ITPR2: variants seen among roughly 807,000 people sequenced by gnomAD.
ITPR2 encodes the protein inositol 1,4,5-trisphosphate receptor type 2, also known as inositol 1,4,5-trisphosphate-gated calcium channel ITPR2.
ITPR2 carries 207 observed loss-of-function variants against 317.1 expected under a neutral mutation model. The ratio of observed to expected loss-of-function variants is 0.65; its 90% CI spans 0.58 to 0.73. The LOEUF (loss-of-function observed/expected upper bound fraction) is 0.73. Ranked by LOEUF, ITPR2 falls within the 30% of genes least tolerant of loss-of-function variation. ITPR2 has a pLI of 0.00. For missense variants in ITPR2, 2,613 were observed against 3,284.0 expected (o/e 0.80, Z 4.99); for synonymous variants, 1,156 against 1,149.1 (o/e 1.01, Z -0.12).
At position 26,616,230 on chromosome 12, in the gene ITPR2, C is replaced by T. The variant is rs184616817; in HGVS notation, c.3462+4893G>A. ...TCGGCTCACTGCAAGCTCCGCCTCC[C>T]GGGTTCACGCCATTCTCCTGCCTCA... On this transcript the variant is annotated intron_variant, in intron 26 of 56. Transcript: ENST00000381340. 1.2e-3 allele frequency among the ~76,000 whole-genome samples: 190 copies of T among 152,102 alleles called. 2 individuals are homozygous for T. Among genetic ancestry groups the T allele is most frequent in the African/African-American group, 3.6e-3 (149 of 41,498 alleles).
chr12:26,468,212 G>A (rs1942216259), intron 45 of ITPR2, among the ~76,000 whole-genome samples: 1 of 112,954 alleles, frequency 8.9e-6, no homozygotes, highest in African/African-American at 2.5e-5. Context: ...ACACTAAGAT[G>A]AATTGTAACA....
intron 37 of ITPR2, among the ~76,000 whole-genome samples, chr12:26,522,100 AAGAAT>A (rs1943681843): frequency 6.6e-6 from 1 of 152,240 alleles, no homozygotes; most frequent in Non-Finnish European, 1.5e-5. Context: ...AAGAACCAAA[AAGAAT>A]AAACTATGTT....
chr12:26,793,431 G>T (rs1003318298), intron 1 of ITPR2, among the ~76,000 whole-genome samples: 2 of 152,112 alleles, frequency 1.3e-5, no homozygotes, highest in Non-Finnish European at 2.9e-5. Context: ...CTGGGGACGA[G>T]GACTGTGTGT....
intron 42 of ITPR2, among the ~76,000 whole-genome samples, chr12:26,482,039 T>C (rs1471093177): frequency 1.3e-5 from 2 of 152,228 alleles, no homozygotes; most frequent in East Asian, 1.9e-4. Flanking sequence ...TCAAGAGGTA[T>C]GAAAAACTGA....
intron 18 of ITPR2, among the ~76,000 whole-genome samples, chr12:26,657,450 G>A (rs1276787478): frequency 2.0e-5 from 3 of 152,206 alleles, no homozygotes; most frequent in Admixed American, 6.5e-5. Context: ...TACTCAATAT[G>A]AGGACAAAGC....
chr12:26,721,765 C>T (rs1454474345), intron 5 of ITPR2, among the ~76,000 whole-genome samples: 1 of 152,120 alleles, frequency 6.6e-6, no homozygotes, highest in Non-Finnish European at 1.5e-5. Context: ...GCAATACACA[C>T]ATATTCCACA....
intron 2 of ITPR2, among the ~76,000 whole-genome samples, chr12:26,739,235 G>C (rs1949187447): frequency 6.6e-6 from 1 of 152,168 alleles, no homozygotes; most frequent in African/African-American, 2.4e-5. Flanking sequence ...CTACTTTGGA[G>C]AACATTTTGG....
rs139542907 is a variant in ITPR2 at position 26,366,762 on chromosome 12, C to T, written c.7857+20672G>A. On this transcript the variant is annotated intron_variant, in intron 55 of 56. Coordinates refer to ENST00000381340, the MANE Select transcript of ITPR2 (RefSeq NM_002223.4). ...TCGAAAGGATGCCTATTTGGTAGTT[C>T]CAAAACCATAAAAAAAGAAAAGTCA... Among the ~76,000 whole-genome samples, 30 of 152,212 alleles carry T rather than the reference C, an allele frequency of 2.0e-4. No individual in the cohort carries two copies. The East Asian group carries it at 4.6e-3, about 24-fold the overall frequency.
At chr12:26,659,085 A>G (rs747264302) in intron 16 of ITPR2, 28 bp downstream of exon 16, 1 of 1,572,320 alleles carries the variant, frequency 6.4e-7, no homozygotes, top group African/African-American at 1.4e-5. Flanking sequence ...CTCCACTAGA[A>G]AAGAATACCG....
At chr12:26,676,077 G>T (rs1592026572) in intron 13 of ITPR2, among the ~76,000 whole-genome samples, 3 of 152,308 alleles carry the variant, frequency 2.0e-5, no homozygotes, top group Admixed American at 2.0e-4. Context: ...AGAATCGCTT[G>T]AACCCAGGAG....
rs1364217411 is a variant in ITPR2 at position 26,378,897 on chromosome 12, T to C, written c.7857+8537A>G. On this transcript the variant is annotated intron_variant, in intron 55 of 56. Transcript: ENST00000381340. ...TTCCTCTCAGGCCTTCCTGCCATTG[T>C]AGGATTGTCATCTGACTTCCTGTCT... is the stretch of plus-strand genomic sequence containing the variant. Among the ~76,000 whole-genome samples, 6 of 152,210 alleles carry C rather than the reference T, an allele frequency of 3.9e-5. No homozygotes were observed. In the East Asian group the frequency reaches 9.6e-4, roughly 24 times the overall value.
chr12:26,618,359 C>T (rs553778325), intron 26 of ITPR2, among the ~76,000 whole-genome samples: 4 of 152,242 alleles, frequency 2.6e-5, no homozygotes, highest in South Asian at 4.1e-4. Flanking sequence ...ACACATGAAT[C>T]GGTAGGACTT....
Position 26,450,425 on chromosome 12 carries a change from C to T in ITPR2, c.6343-6775G>A, listed in dbSNP as rs531319171. ...GCATGGTGCCATCTGTCCAGGGTTCCTTGCAGTACTGTGAGGTCCTTCATA... is the reference window on the plus strand; with the variant it reads ...GCATGGTGCCATCTGTCCAGGGTTCTTTGCAGTACTGTGAGGTCCTTCATA... On this transcript the variant is annotated intron_variant, in intron 45 of 56. Coordinates refer to ENST00000381340, the MANE Select transcript of ITPR2 (RefSeq NM_002223.4). 6.2e-4 allele frequency among the ~76,000 whole-genome samples: 85 copies of T among 136,830 alleles called. 1 individual carries two copies. The highest frequency in any genetic ancestry group is 2.3e-3 in the African/African-American group (81 of 35,762). The allele number at this position is 136,830 out of a possible 152,430, so 89.8% of individuals were successfully genotyped here.
chr12:26,562,102 C>A (rs527572794), intron 34 of ITPR2, 150 bp from the exon 35 acceptor site: 1 of 540,978 alleles, frequency 1.8e-6, no homozygotes, highest in Non-Finnish European at 3.0e-6. Flanking sequence ...AAGCTTCTAA[C>A]CTGAATGTAT....
chr12:26,814,195 T>C (rs1020921982), intron 1 of ITPR2, among the ~76,000 whole-genome samples: 1 of 152,166 alleles, frequency 6.6e-6, no homozygotes, highest in African/African-American at 2.4e-5. Flanking sequence ...ACAAAACACC[T>C]GCGCAAGGGC....
chr12:26,384,891 G>A (rs1380613595), intron 55 of ITPR2, among the ~76,000 whole-genome samples: 1 of 151,974 alleles, frequency 6.6e-6, no homozygotes, highest in Non-Finnish European at 1.5e-5. Context: ...GATCCCCTGG[G>A]TTCTGTCTCA....
At chr12:26,680,718 T>G (rs1464868154) in intron 13 of ITPR2, among the ~76,000 whole-genome samples, 2 of 152,230 alleles carry the variant, frequency 1.3e-5, no homozygotes, top group African/African-American at 4.8e-5. Flanking sequence ...ATCGCAAAAC[T>G]GTATTCTGTT....
At chr12:26,463,978 G>A (rs541546028) in intron 45 of ITPR2, among the ~76,000 whole-genome samples, 38 of 152,128 alleles carry the variant, frequency 2.5e-4, no homozygotes, top group African/African-American at 3.1e-4. Context: ...TGCTTTTCTC[G>A]GTTTATCTAA....
chr12:26,456,057 T>A (rs1182901248), intron 45 of ITPR2, among the ~76,000 whole-genome samples: 1 of 152,238 alleles, frequency 6.6e-6, no homozygotes, highest in Non-Finnish European at 1.5e-5. Flanking sequence ...CAGAGGCATT[T>A]GAACCAGAGT....
Sources: allele counts gnomAD v4.1 joint callset (sites outside exome capture counted in the v4.1 genomes callset), GRCh38; gene constraint gnomAD v4.1.1; transcripts MANE v1.5; gene names NCBI Gene and HGNC (gene_info 2026-07-23, HGNC 2026-07-21).